Variants in SBSPON observed in about 807,000 individuals in gnomAD.
SBSPON encodes the protein somatomedin-B and thrombospondin type-1 domain-containing protein.
In SBSPON, 30 loss-of-function variants were observed where a neutral mutation model predicts 35.8. The observed-to-expected ratio is 0.84, with a 90% CI of 0.63 to 1.14. SBSPON has a LOEUF of 1.14. Ranked by LOEUF, SBSPON falls within the 50% of genes most tolerant of loss-of-function variation. The pLI, the probability that SBSPON is intolerant of heterozygous loss-of-function variation, is 0.00. For synonymous variants in SBSPON, 136 were observed against 135.9 expected (o/e 1.00, Z 0.00); for missense variants, 364 against 357.7 (o/e 1.02, Z -0.14).
chr8:73,080,972 A>C, intron 2 of SBSPON, 47 bp downstream of exon 2: 1 of 1,490,186 alleles, frequency 6.7e-7, no homozygotes, highest in Non-Finnish European at 9.1e-7. Flanking sequence ...AAGTGGTCAA[A>C]AAGTCATCAC....
At chr8:73,072,923 G>A (rs1810525184) in intron 2 of SBSPON, among the ~76,000 whole-genome samples, 1 of 152,018 alleles carries the variant, frequency 6.6e-6, no homozygotes, top group Non-Finnish European at 1.5e-5. Flanking sequence ...AAAAAAAAAT[G>A]GCACCAAGAA....
At chr8:73,086,494 C>T (rs149108340) in intron 1 of SBSPON, among the ~76,000 whole-genome samples, 2 of 152,210 alleles carry the variant, frequency 1.3e-5, no homozygotes, top group African/African-American at 4.8e-5. Flanking sequence ...CATGTGTATT[C>T]CTCTTTCCGT....
intron 2 of SBSPON, among the ~76,000 whole-genome samples, chr8:73,072,349 AACAG>A (rs975650714): frequency 2.0e-5 from 3 of 152,164 alleles, no homozygotes; most frequent in Non-Finnish European, 4.4e-5. Context: ...AAGGAGAGAA[AACAG>A]ACAAACAGAG....
chr8:73,068,809 G>A (rs547548404), intron 4 of SBSPON, among the ~76,000 whole-genome samples: 23 of 152,220 alleles, frequency 1.5e-4, no homozygotes, highest in East Asian at 1.9e-4. Context: ...GGCCAAAGCC[G>A]GCCTACCCCT....
intron 2 of SBSPON, among the ~76,000 whole-genome samples, chr8:73,076,681 A>G (rs1341936147): frequency 6.6e-6 from 1 of 151,678 alleles, no homozygotes; most frequent in Non-Finnish European, 1.5e-5. Flanking sequence ...GTGGCAACGG[A>G]AGAAAGGCAC....
In SBSPON at chr8:73,091,326, C is replaced by T. The variant is rs1202831569; in HGVS notation, c.214+1528G>A. ...TAAGTGCTTCCTTCCAGGTCAGCTC[C>T]TGGATCAACTATTTCAGTGCTAAGT... On this transcript the variant is annotated intron_variant, in intron 1 of 4. Coordinates refer to ENST00000297354, the MANE Select transcript of SBSPON (RefSeq NM_153225.4). Among the ~76,000 whole-genome samples the T allele has an allele frequency of 3.3e-4, 50 of 152,202 alleles. 1 individual carries two copies. The highest frequency in any genetic ancestry group is 3.3e-3 in the Admixed American group (50 of 15,284).
intron 2 of SBSPON, chr8:73,075,819 A>C: frequency 1.2e-6 from 1 of 821,582 alleles, no homozygotes; most frequent in Non-Finnish European, 1.5e-6. Context: ...ATAATAATGC[A>C]CATTGATCTC....
intron 3 of SBSPON, 31 bp from the exon 4 acceptor site, chr8:73,070,012 C>A: frequency 7.0e-7 from 1 of 1,424,996 alleles, no homozygotes; most frequent in Non-Finnish European, 9.6e-7. Context: ...ATGACACTTG[C>A]TGTAATGAGC....
At chr8:73,085,169 A>G (rs973956761) in intron 1 of SBSPON, among the ~76,000 whole-genome samples, 1 of 152,170 alleles carries the variant, frequency 6.6e-6, no homozygotes, top group East Asian at 1.9e-4. Context: ...AGCCTGGCCC[A>G]GAGTGTGGGC....
intron 1 of SBSPON, among the ~76,000 whole-genome samples, chr8:73,088,425 A>G (rs1228365468): frequency 3.3e-5 from 5 of 152,214 alleles, no homozygotes; most frequent in Non-Finnish European, 7.3e-5. Context: ...GCTCACACCT[A>G]CAATCCCAGC....
intron 2 of SBSPON, among the ~76,000 whole-genome samples, chr8:73,074,276 A>T (rs1404471967): frequency 6.6e-6 from 1 of 152,212 alleles, no homozygotes; most frequent in East Asian, 1.9e-4. Flanking sequence ...TCAGAAAAAG[A>T]GGCTATGAAG....
intron 1 of SBSPON, among the ~76,000 whole-genome samples, chr8:73,088,307 C>T (rs1360777248): frequency 6.6e-6 from 1 of 152,148 alleles, no homozygotes; most frequent in Admixed American, 6.5e-5. Context: ...TACACTGACT[C>T]AGTTACATTT....
chr8:73,070,451 T>A (rs1810473194), intron 3 of SBSPON, among the ~76,000 whole-genome samples: 1 of 152,192 alleles, frequency 6.6e-6, no homozygotes, highest in African/African-American at 2.4e-5. Context: ...GCTGTTCTGC[T>A]CCACGAAAGT....
intron 1 of SBSPON, among the ~76,000 whole-genome samples, chr8:73,082,989 T>C (rs919352526): frequency 3.3e-5 from 5 of 152,236 alleles, no homozygotes; most frequent in African/African-American, 1.2e-4. Flanking sequence ...TGCCATAGCA[T>C]TAACTCAGAA....
chr8:73,073,266 A>G (rs1363804284), intron 2 of SBSPON, among the ~76,000 whole-genome samples: 1 of 152,266 alleles, frequency 6.6e-6, no homozygotes, highest in Non-Finnish European at 1.5e-5. Flanking sequence ...AAGATGGCTC[A>G]GCAGTCCTCT....
chr8:73,070,081 G>C (rs1374729320), intron 3 of SBSPON, 100 bp from the exon 4 acceptor site: 1 of 657,616 alleles, frequency 1.5e-6, no homozygotes. Flanking sequence ...GCATTTGGCC[G>C]ACTGGAGCAG....
chr8:73,093,091 C>A lies in SBSPON; in HGVS notation c.-24G>T. On this transcript the variant is annotated 5_prime_UTR_variant, in exon 1 of 5. Transcript: ENST00000297354. ...ATGGCCAGGGCTCCGGCGGCGCCTG[C>A]GACGCGACAGACCCCCGGGGCAAGC... 7.9e-7 allele frequency: 1 copy of A among 1,270,684 alleles called. No individual in the cohort carries two copies. Among genetic ancestry groups the A allele is most frequent in the Non-Finnish European group, 1.0e-6 (1 of 999,138 alleles). The allele number at this position is 1,270,684 out of a possible 1,614,324, so 78.7% of individuals were successfully genotyped here.
intron 2 of SBSPON, among the ~76,000 whole-genome samples, chr8:73,073,200 G>T (rs1810530058): frequency 6.6e-6 from 1 of 152,250 alleles, no homozygotes; most frequent in South Asian, 2.1e-4. Flanking sequence ...TTGCAGCCAA[G>T]ACACACAGGC....
At position 73,066,024 on chromosome 8, in the gene SBSPON, A is replaced by G. The variant is rs1362927527; in HGVS notation, c.*1317T>C. The G allele has an allele frequency of 6.6e-6, 1 of 152,130 alleles. No homozygotes were observed. The highest frequency in any genetic ancestry group is 2.4e-5 in the African/African-American group (1 of 41,434). The allele number at this position is 152,130 out of a possible 1,614,324, so 9.4% of individuals were successfully genotyped here. ...TCTCGGTGTTATTAATTATTGGGGA[A>G]ATCTCCATCCTTATTGCTGTTGTGA... is the stretch of plus-strand genomic sequence containing the variant. On this transcript the variant is annotated 3_prime_UTR_variant, in exon 5 of 5. Transcript: ENST00000297354.
Sources: allele counts gnomAD v4.1 joint callset (sites outside exome capture counted in the v4.1 genomes callset), GRCh38; gene constraint gnomAD v4.1.1; transcripts MANE v1.5; gene names NCBI Gene and HGNC (gene_info 2026-07-23, HGNC 2026-07-21).